The following RBFOX1 variants were observed in gnomAD, a reference collection of about 807,000 sequenced individuals.
RBFOX1 encodes RNA binding protein fox-1 homolog 1.
RBFOX1 carries 8 observed loss-of-function variants against 57.7 expected under a neutral mutation model. The ratio of observed to expected loss-of-function variants is 0.14; its 90% CI spans 0.08 to 0.25. The LOEUF (loss-of-function observed/expected upper bound fraction) is 0.25. Ranked by LOEUF, RBFOX1 falls within the 10% of genes least tolerant of loss-of-function variation. RBFOX1 has a pLI of 1.00. For missense variants in RBFOX1, 611 were observed against 548.5 expected (o/e 1.11, Z -1.14); for synonymous variants, 326 against 222.4 (o/e 1.47, Z -4.15).
intron 3 of RBFOX1, among the ~76,000 whole-genome samples, chr16:5,783,413 G>T (rs1489006973): frequency 6.6e-6 from 1 of 151,890 alleles, no homozygotes; most frequent in East Asian, 1.9e-4. Flanking sequence ...ATGTATGAGG[G>T]TTATATGGTG....
At chr16:6,340,215 C>A (rs1004950412) in intron 2 of RBFOX1, among the ~76,000 whole-genome samples, 1 of 152,134 alleles carries the variant, frequency 6.6e-6, no homozygotes, top group South Asian at 2.1e-4. Flanking sequence ...GCTAAGGGGT[C>A]ACGAAACAGG....
At chr16:5,523,376 A>G (rs970113104) in intron 2 of RBFOX1, among the ~76,000 whole-genome samples, 2 of 152,162 alleles carry the variant, frequency 1.3e-5, no homozygotes, top group Non-Finnish European at 2.9e-5. Context: ...ACACTTTGGG[A>G]GGCTGAGGCG....
chr16:7,175,214 A>G (rs965296259), intron 4 of RBFOX1, among the ~76,000 whole-genome samples: 1 of 151,592 alleles, frequency 6.6e-6, no homozygotes, highest in Non-Finnish European at 1.5e-5. Flanking sequence ...CCCAGCCCCC[A>G]ATAGGCCCCA....
intron 2 of RBFOX1, among the ~76,000 whole-genome samples, chr16:6,498,251 CAAAACAAA>C (rs1376300989): frequency 1.2e-5 from 1 of 84,434 alleles, no homozygotes; most frequent in Non-Finnish European, 2.3e-5. Context: ...AACTCCGTCT[CAAAACAAA>C]AAAAAAAAAA....
intron 6 of RBFOX1, among the ~76,000 whole-genome samples, chr16:7,582,476 G>A (rs1437988418): frequency 6.6e-6 from 1 of 152,154 alleles, no homozygotes; most frequent in Non-Finnish European, 1.5e-5. Flanking sequence ...GCAGTTTTAT[G>A]CACTAAAAAT....
chr16:6,779,265 A>G (rs1304943994), intron 3 of RBFOX1, among the ~76,000 whole-genome samples: 2 of 152,036 alleles, frequency 1.3e-5, no homozygotes, highest in Non-Finnish European at 2.9e-5. Context: ...AGCACATGCA[A>G]TATTTGTCTT....
At chr16:6,402,654 A>T (rs2152955409) in intron 2 of RBFOX1, among the ~76,000 whole-genome samples, 2 of 152,322 alleles carry the variant, frequency 1.3e-5, no homozygotes, top group South Asian at 4.1e-4. Flanking sequence ...ACCTATGTAA[A>T]CACATACACA....
At chr16:7,140,435 A>G (rs528173052) in intron 4 of RBFOX1, among the ~76,000 whole-genome samples, 1 of 151,906 alleles carries the variant, frequency 6.6e-6, no homozygotes, top group African/African-American at 2.4e-5. Context: ...TATATTGTCT[A>G]ACTTCCCAAA....
chr16:5,720,494 T>C (rs184000453), intron 3 of RBFOX1, among the ~76,000 whole-genome samples: 124 of 152,362 alleles, frequency 8.1e-4, no homozygotes, highest in African/African-American at 2.8e-3. Context: ...TTTATTGTCA[T>C]ATTAACAAGG....
At chr16:7,357,325 A>G (rs2097235748) in intron 4 of RBFOX1, among the ~76,000 whole-genome samples, 1 of 152,144 alleles carries the variant, frequency 6.6e-6, no homozygotes, top group African/African-American at 2.4e-5. Flanking sequence ...ATTTTTCACT[A>G]CAAAAACATT....
intron 3 of RBFOX1, among the ~76,000 whole-genome samples, chr16:6,986,966 C>T (rs1001580346): frequency 3.9e-5 from 6 of 152,126 alleles, no homozygotes; most frequent in Non-Finnish European, 2.9e-5. Context: ...CCCATGCTTT[C>T]GAATGCCATT....
intron 4 of RBFOX1, among the ~76,000 whole-genome samples, chr16:5,888,578 C>A (rs1001765619): frequency 6.6e-6 from 1 of 151,934 alleles, no homozygotes; most frequent in Non-Finnish European, 1.5e-5. Context: ...GGCAGATAAT[C>A]TGAGGTCAGG....
chr16:6,893,725 G>T (rs1176060397), intron 3 of RBFOX1, among the ~76,000 whole-genome samples: 2 of 152,192 alleles, frequency 1.3e-5, no homozygotes, highest in Admixed American at 6.5e-5. Flanking sequence ...AATTTGTGAT[G>T]AATTTTCATT....
chr16:5,575,430 G>C (rs2046419789), intron 2 of RBFOX1, among the ~76,000 whole-genome samples: 1 of 152,294 alleles, frequency 6.6e-6, no homozygotes, highest in East Asian at 1.9e-4. Flanking sequence ...ATGTCAGGCA[G>C]GTTCAACTTT....
chr16:6,050,509 A>G (rs1392895413), intron 1 of RBFOX1, among the ~76,000 whole-genome samples: 1 of 152,140 alleles, frequency 6.6e-6, no homozygotes, highest in Non-Finnish European at 1.5e-5. Context: ...TTCTTCCAAG[A>G]AGAGGTACAT....
intron 4 of RBFOX1, among the ~76,000 whole-genome samples, chr16:7,352,373 C>A (rs1040930079): frequency 1.3e-5 from 2 of 152,310 alleles, no homozygotes; most frequent in East Asian, 3.9e-4. Flanking sequence ...ATATCCTGTT[C>A]TCAGAAGTTG....
At chr16:6,671,142 C>G (rs1033228682) in intron 3 of RBFOX1, among the ~76,000 whole-genome samples, 1 of 152,132 alleles carries the variant, frequency 6.6e-6, no homozygotes, top group African/African-American at 2.4e-5. Flanking sequence ...TCTTATTATT[C>G]CAGTCGAATG....
intron 3 of RBFOX1, among the ~76,000 whole-genome samples, chr16:6,679,256 C>T (rs374442863): frequency 1.3e-5 from 2 of 151,744 alleles, no homozygotes; most frequent in Non-Finnish European, 2.9e-5. Context: ...TTTACTGACA[C>T]GTAAAAAAGT....
chr16:6,432,963 G>A (rs1380763010), intron 2 of RBFOX1, among the ~76,000 whole-genome samples: 4 of 152,210 alleles, frequency 2.6e-5, no homozygotes, highest in African/African-American at 7.2e-5. Flanking sequence ...GGGCTACAGA[G>A]TGAGACTCCA....
Sources: gnomAD v4.1 joint callset for allele counts (sites outside exome capture counted in the v4.1 genomes callset) on GRCh38, gnomAD v4.1.1 for gene constraint, MANE v1.5 for transcripts, NCBI Gene and HGNC (gene_info 2026-07-23, HGNC 2026-07-21) for gene names.